The following CPNE8 variants were observed in gnomAD, a reference collection of about 807,000 sequenced individuals.
CPNE8 encodes the protein copine-8.
CPNE8 carries 45 observed loss-of-function variants against 81.5 expected under a neutral mutation model. The ratio of observed to expected loss-of-function variants is 0.55; its 90% confidence interval spans 0.44 to 0.71. The LOEUF (loss-of-function observed/expected upper bound fraction) is 0.71. CPNE8 is among the 30% of genes least tolerant of loss of function. CPNE8 has a pLI of 0.00. For synonymous variants in CPNE8, 252 were observed against 226.3 expected (o/e 1.11, Z -1.02); for missense variants, 594 against 672.1 (o/e 0.88, Z 1.28).
intron 3 of CPNE8, among the ~76,000 whole-genome samples, chr12:38,859,526 A>T (rs1245726523): frequency 6.6e-6 from 1 of 152,170 alleles, no homozygotes; most frequent in African/African-American, 2.4e-5. Flanking sequence ...ATTGAATGCA[A>T]TAATTATCAA....
intron 6 of CPNE8, among the ~76,000 whole-genome samples, chr12:38,806,378 G>T (rs1302732603): frequency 6.7e-6 from 1 of 149,122 alleles, no homozygotes; most frequent in Non-Finnish European, 1.5e-5. Flanking sequence ...ACCGAATCCA[G>T]CAGCACATCA....
chr12:38,849,442 A>G (rs1232579495), intron 3 of CPNE8, among the ~76,000 whole-genome samples: 1 of 152,208 alleles, frequency 6.6e-6, no homozygotes, highest in African/African-American at 2.4e-5. Context: ...TTCTAATGAG[A>G]GAATTTTAAC....
chr12:38,782,857 A>AT (rs1032545488), intron 6 of CPNE8, among the ~76,000 whole-genome samples: 6 of 151,544 alleles, frequency 4.0e-5, no homozygotes, highest in East Asian at 1.9e-4. Context: ...ACGTTTTTTC[A>AT]TTTTTTTAGA....
At chr12:38,826,828 T>C (rs1336800683) in intron 6 of CPNE8, among the ~76,000 whole-genome samples, 1 of 151,718 alleles carries the variant, frequency 6.6e-6, no homozygotes, top group East Asian at 1.9e-4. Context: ...TTCCTTATGT[T>C]AAAAAAACAG....
At chr12:38,696,475 G>T (rs1226317268) in intron 14 of CPNE8, among the ~76,000 whole-genome samples, 3 of 151,920 alleles carry the variant, frequency 2.0e-5, no homozygotes, top group Non-Finnish European at 2.9e-5. Context: ...TTTAAACAAT[G>T]AATTTGTAGT....
chr12:38,740,940 G>T (rs1941085061), intron 10 of CPNE8, among the ~76,000 whole-genome samples: 1 of 151,994 alleles, frequency 6.6e-6, no homozygotes, highest in Non-Finnish European at 1.5e-5. Context: ...TTTTTCTATT[G>T]ACTGGAATAG....
chr12:38,867,343 A>T (rs866452358), intron 3 of CPNE8, among the ~76,000 whole-genome samples: 5,495 of 135,950 alleles, frequency 0.04, 117 homozygotes, highest in African/African-American at 0.11. Flanking sequence ...TGTGTGTGAG[A>T]GAGAGAGAGA....
At chr12:38,776,482 GT>G (rs933774080) in intron 6 of CPNE8, among the ~76,000 whole-genome samples, 181 bp from the exon 7 acceptor site, 1 of 151,554 alleles carries the variant, frequency 6.6e-6, no homozygotes, top group Admixed American at 6.6e-5. Flanking sequence ...AATTTTGTAT[GT>G]TTTTTTAGCA....
chr12:38,873,084 G>A (rs755386460), intron 2 of CPNE8, 34 bp from the exon 3 acceptor site: 2 of 1,322,012 alleles, frequency 1.5e-6, no homozygotes, highest in Non-Finnish European at 2.1e-6. Context: ...ACATATAAAT[G>A]TCTTTTATGA....
chr12:38,837,858 T>G (rs1310568003), intron 5 of CPNE8, among the ~76,000 whole-genome samples: 1 of 152,050 alleles, frequency 6.6e-6, no homozygotes, highest in Non-Finnish European at 1.5e-5. Flanking sequence ...CAAGATAAAA[T>G]TTCTTACGAT....
rs1194474458 is a variant in CPNE8, at chr12:38,784,122, CAG to C, written c.408-7823_408-7822del. ...GAGGGAACTCAAATTGAAGATGACA[CAG>C]AAAGTAATTCAGAATTCTATCAAAT... is the stretch of plus-strand genomic sequence containing the variant. On this transcript the variant is annotated intron_variant, in intron 6 of 19. Transcript: ENST00000331366. Among the ~76,000 whole-genome samples the C allele has an allele frequency of 5.3e-5, 8 of 152,200 alleles. No individual in the cohort carries two copies. In the South Asian group the frequency reaches 1.7e-3, roughly 32 times the overall value.
chr12:38,779,524 C>T (rs1382372577), intron 6 of CPNE8, among the ~76,000 whole-genome samples: 1 of 152,040 alleles, frequency 6.6e-6, no homozygotes, highest in East Asian at 1.9e-4. Context: ...AAAAATGTAT[C>T]CTAATAATTT....
At chr12:38,690,067 A>G (rs957558627) in intron 15 of CPNE8, among the ~76,000 whole-genome samples, 14 of 152,194 alleles carry the variant, frequency 9.2e-5, no homozygotes, top group African/African-American at 3.1e-4. Context: ...AAACTTATAC[A>G]CTGGGGGTAA....
At chr12:38,895,244 T>A (rs776848092) in intron 1 of CPNE8, among the ~76,000 whole-genome samples, 1 of 152,016 alleles carries the variant, frequency 6.6e-6, no homozygotes, top group Non-Finnish European at 1.5e-5. Flanking sequence ...AAGAATGAAT[T>A]TGCCATGAAG....
At chr12:38,821,264 G>T (rs1298387789) in intron 6 of CPNE8, among the ~76,000 whole-genome samples, 1 of 152,012 alleles carries the variant, frequency 6.6e-6, no homozygotes, top group Non-Finnish European at 1.5e-5. Context: ...AATAAAGACA[G>T]GAACAACTTT....
At chr12:38,854,522 GA>G (rs879814157) in intron 3 of CPNE8, among the ~76,000 whole-genome samples, 45 of 151,752 alleles carry the variant, frequency 3.0e-4, no homozygotes, top group Non-Finnish European at 4.0e-4. Context: ...CAAAAATCTT[GA>G]ACAAAATACT....
intron 10 of CPNE8, among the ~76,000 whole-genome samples, chr12:38,733,586 A>C (rs1250965529): frequency 2.6e-5 from 4 of 151,968 alleles, no homozygotes; most frequent in Non-Finnish European, 5.9e-5. Context: ...CTATGTTATA[A>C]GTTCCAAGCT....
Position 38,745,054 on chromosome 12 carries a change from T to C in CPNE8, c.723-14696A>G, listed in dbSNP as rs191950070. On this transcript the variant is annotated intron_variant, in intron 10 of 19. Coordinates refer to ENST00000331366, the MANE Select transcript of CPNE8 (RefSeq NM_153634.3). ...TCTGAGTCAGAAAGTTTCTCGGAGA[T>C]TCCAAAATTTCAATGGGATTCAATA... 3.3e-5 allele frequency among the ~76,000 whole-genome samples: 5 copies of C among 152,278 alleles called. No individual in the cohort carries two copies. In the South Asian group the frequency reaches 6.2e-4, roughly 19 times the overall value.
rs1218202897 is a variant in CPNE8 at position 38,805,503 on chromosome 12, G to T, written c.407+23876C>A. Reference sequence around the variant, plus strand: ...AGGAAGGGGAATATCACACTCTGGGGACTGTGGTGGGGTCGGGGGATGGGG... The same window carrying T: ...AGGAAGGGGAATATCACACTCTGGGTACTGTGGTGGGGTCGGGGGATGGGG... On this transcript the variant is annotated intron_variant, in intron 6 of 19. Coordinates refer to ENST00000331366, the MANE Select transcript of CPNE8 (RefSeq NM_153634.3). Among the ~76,000 whole-genome samples the T allele has an allele frequency of 2.9e-3, 290 of 101,434 alleles. 1 individual carries two copies. The highest frequency in any genetic ancestry group is 9.3e-3 in the African/African-American group (258 of 27,780). The allele number at this position is 101,434 out of a possible 152,430, so 66.5% of individuals were successfully genotyped here.
Sources: gnomAD v4.1 joint callset for allele counts (sites outside exome capture counted in the v4.1 genomes callset) on GRCh38, gnomAD v4.1.1 for gene constraint, MANE v1.5 for transcripts, NCBI Gene and HGNC (gene_info 2026-07-23, HGNC 2026-07-21) for gene names.